Variants in EYS observed in about 807,000 individuals in gnomAD.
The protein encoded by EYS is EGF-like photoreceptor maintenance factor.
EYS carries 250 observed loss-of-function variants against 282.1 expected under a neutral mutation model. That is an observed-to-expected ratio of 0.89 (90% CI 0.80 to 0.98). The LOEUF is 0.98. Ranked by LOEUF, EYS falls within the 50% of genes least tolerant of loss-of-function variation. EYS has a pLI of 0.00. For missense variants in EYS, 4,016 were observed against 3,709.0 expected (o/e 1.08, Z -2.15); for synonymous variants, 1,355 against 1,282.9 (o/e 1.06, Z -1.20).
chr6:64,402,501 A>C (rs1013310691), intron 28 of EYS, among the ~76,000 whole-genome samples: 1 of 152,162 alleles, frequency 6.6e-6, no homozygotes, highest in Non-Finnish European at 1.5e-5. Flanking sequence ...TTTCATTTGC[A>C]GGAAGCCATC....
intron 30 of EYS, among the ~76,000 whole-genome samples, chr6:64,262,976 C>G (rs896998723): frequency 1.3e-5 from 2 of 152,036 alleles, no homozygotes; most frequent in African/African-American, 2.4e-5. Flanking sequence ...TTTTTGGAGT[C>G]AGACTATTTT....
intron 14 of EYS, among the ~76,000 whole-genome samples, chr6:64,973,305 A>T (rs1264366988): frequency 6.6e-6 from 1 of 152,056 alleles, no homozygotes; most frequent in Admixed American, 6.6e-5. Context: ...CACTGGGCAA[A>T]TAATCAATAA....
chr6:64,390,088 C>T (rs191751773), intron 28 of EYS, among the ~76,000 whole-genome samples: 99 of 152,198 alleles, frequency 6.5e-4, no homozygotes, highest in African/African-American at 1.8e-3. Context: ...CGGCACATCA[C>T]GAGATTATAT....
intron 18 of EYS, among the ~76,000 whole-genome samples, chr6:64,893,452 C>G (rs921317465): frequency 6.6e-6 from 1 of 151,938 alleles, no homozygotes. Context: ...TTTGAAGTAA[C>G]TATAAAATTA....
intron 12 of EYS, among the ~76,000 whole-genome samples, chr6:65,104,007 G>GT (rs144272303): frequency 0.04 from 6,062 of 151,342 alleles, 181 homozygotes; most frequent in South Asian, 0.064. Context: ...TTATCTTGTT[G>GT]TTCATGACTC....
intron 31 of EYS, among the ~76,000 whole-genome samples, chr6:64,155,854 G>A (rs1290751855): frequency 6.6e-6 from 1 of 151,778 alleles, no homozygotes; most frequent in Non-Finnish European, 1.5e-5. Context: ...TATATTTTGT[G>A]TGAGTGCCTT....
chr6:64,663,581 A>G (rs1266098758), intron 22 of EYS, among the ~76,000 whole-genome samples: 1 of 152,154 alleles, frequency 6.6e-6, no homozygotes, highest in African/African-American at 2.4e-5. Context: ...ACCAATGTCC[A>G]TATCAGCAAA....
rs192047722 is a variant in EYS, at chr6:65,400,490, C to T, written c.1184+1988G>A. On this transcript the variant is annotated intron_variant, in intron 7 of 42. Transcript: ENST00000503581. ...TGCCACTTTTGATACTTTACAACTC[C>T]TTCTGCTCATAATAATAACATTTTT... Among the ~76,000 whole-genome samples, 624 of 151,964 alleles carry T rather than the reference C, an allele frequency of 4.1e-3. 5 individuals carry two copies. The highest frequency in any genetic ancestry group is 0.014 in the African/African-American group (590 of 41,490).
intron 12 of EYS, among the ~76,000 whole-genome samples, chr6:65,176,708 A>G (rs1297841266): frequency 6.6e-6 from 1 of 151,702 alleles, no homozygotes; most frequent in East Asian, 2.0e-4. Flanking sequence ...TCTATAAATT[A>G]GAGATAGTAA....
intron 11 of EYS, chr6:65,329,873 C>T (rs1769733193): frequency 1.0e-6 from 1 of 981,088 alleles, no homozygotes; most frequent in Non-Finnish European, 1.2e-6. Flanking sequence ...GAAACTTCAC[C>T]TGATTTTCTT....
intron 26 of EYS, among the ~76,000 whole-genome samples, chr6:64,485,361 C>T (rs893225745): frequency 1.3e-5 from 2 of 151,610 alleles, no homozygotes; most frequent in Admixed American, 1.3e-4. Flanking sequence ...CAGTTTAAGA[C>T]TGCATTGAGG....
At chr6:63,978,182 A>C (rs982731796) in intron 35 of EYS, among the ~76,000 whole-genome samples, 2 of 152,008 alleles carry the variant, frequency 1.3e-5, no homozygotes, top group Non-Finnish European at 2.9e-5. Flanking sequence ...AAATACCTTA[A>C]ATACTCAATT....
chr6:65,180,952 G>A (rs1765364790), intron 12 of EYS, among the ~76,000 whole-genome samples: 1 of 152,098 alleles, frequency 6.6e-6, no homozygotes, highest in African/African-American at 2.4e-5. Flanking sequence ...AACAAGCAAT[G>A]GGGAAAGGAT....
intron 2 of EYS, among the ~76,000 whole-genome samples, chr6:65,510,376 T>C (rs1177531418): frequency 6.6e-6 from 1 of 152,020 alleles, no homozygotes; most frequent in Admixed American, 6.6e-5. Context: ...TAGTATTCCA[T>C]GGTGTATATG....
At position 65,003,572 on chromosome 6, in the gene EYS, T is replaced by G. The variant is rs1243566824; in HGVS notation, c.2138-5869A>C. On this transcript the variant is annotated intron_variant, in intron 13 of 42. Coordinates refer to ENST00000503581, the MANE Select transcript of EYS (RefSeq NM_001142800.2). ...ACCTATTCGCACACTCCCTCCCCTT[T>G]TGAAACTCCCTAATAAAAACTTGCT... is the stretch of plus-strand genomic sequence containing the variant. Among the ~76,000 whole-genome samples the G allele has an allele frequency of 2.0e-5, 3 of 147,374 alleles. No homozygotes were observed. In the East Asian group the frequency reaches 6.4e-4, roughly 32 times the overall value.
chr6:65,490,836 T>C (rs926851301), intron 4 of EYS, 129 bp from the exon 5 acceptor site: 1 of 645,958 alleles, frequency 1.5e-6, no homozygotes, highest in African/African-American at 1.8e-5. Context: ...AACCATGTTA[T>C]ACGATGATGC....
chr6:64,190,312 G>GT (rs1054383785), intron 31 of EYS, among the ~76,000 whole-genome samples: 1 of 152,158 alleles, frequency 6.6e-6, no homozygotes, highest in African/African-American at 2.4e-5. Flanking sequence ...TAAGCCTGCT[G>GT]TACATGTGTT....
chr6:65,195,118 T>C (rs1022867454), intron 12 of EYS, among the ~76,000 whole-genome samples: 3 of 152,022 alleles, frequency 2.0e-5, no homozygotes, highest in African/African-American at 7.2e-5. Flanking sequence ...TGGACCTTTT[T>C]GTCTTATATT....
At chr6:64,021,244 C>A (rs1352585398) in intron 33 of EYS, among the ~76,000 whole-genome samples, 1 of 152,056 alleles carries the variant, frequency 6.6e-6, no homozygotes, top group Non-Finnish European at 1.5e-5. Flanking sequence ...CACAATTACC[C>A]TTTATTGAGC....
Sources: allele counts gnomAD v4.1 joint callset (sites outside exome capture counted in the v4.1 genomes callset), GRCh38; gene constraint gnomAD v4.1.1; transcripts MANE v1.5; gene names NCBI Gene and HGNC (gene_info 2026-07-23, HGNC 2026-07-21).